Variants in CFAP54 observed in about 807,000 individuals in gnomAD.
The protein encoded by CFAP54 is cilia and flagella associated protein 54, also known as cilia- and flagella-associated protein 54.
In CFAP54, 290 loss-of-function variants were observed where a neutral mutation model predicts 370.4. That is an observed-to-expected ratio of 0.78 (90% CI 0.71 to 0.86). The LOEUF (loss-of-function observed/expected upper bound fraction) is 0.86, where lower values mean the gene tolerates loss of function less well. CFAP54 is among the 40% of genes least tolerant of loss of function. The probability of loss-of-function intolerance (pLI) is 0.00; values close to 1 mark genes in which losing one functional copy is unlikely to be tolerated. For synonymous variants in CFAP54, 1,206 were observed against 1,236.5 expected, an observed-to-expected ratio of 0.98 and a Z score of 0.52; for missense variants, 3,399 against 3,528.7, an observed-to-expected ratio of 0.96 and a Z score of 0.93.
intron 39 of CFAP54, among the ~76,000 whole-genome samples, chr12:96,671,956 GAGAA>G (rs1045315618): frequency 2.8e-4 from 42 of 150,738 alleles, no homozygotes; most frequent in African/African-American, 6.4e-4. Context: ...GAGAAGGAAA[GAGAA>G]AGAAAGAAAG....
At chr12:96,612,929 T>G (rs1457289611) in intron 26 of CFAP54, among the ~76,000 whole-genome samples, 1 of 152,172 alleles carries the variant, frequency 6.6e-6, no homozygotes, top group Non-Finnish European at 1.5e-5. Flanking sequence ...ATGGGAGACC[T>G]TAACACCACA....
chr12:96,494,075 CAG>C (rs951740110), intron 1 of CFAP54, among the ~76,000 whole-genome samples: 7 of 151,998 alleles, frequency 4.6e-5, no homozygotes, highest in Non-Finnish European at 1.0e-4. Flanking sequence ...ACTAGCCAAA[CAG>C]AGAGGATGAA....
chr12:96,493,614 T>C (rs1323424928), intron 1 of CFAP54, among the ~76,000 whole-genome samples: 2 of 152,196 alleles, frequency 1.3e-5, no homozygotes, highest in African/African-American at 2.4e-5. Context: ...CTGGCCAACA[T>C]AGTGAAACCC....
intron 9 of CFAP54, among the ~76,000 whole-genome samples, chr12:96,533,579 C>G (rs1955465563): frequency 6.6e-6 from 1 of 152,136 alleles, no homozygotes; most frequent in African/African-American, 2.4e-5. Flanking sequence ...TAACTGCCCT[C>G]CTTCCCCACA....
intron 36 of CFAP54, among the ~76,000 whole-genome samples, chr12:96,656,838 G>A (rs184120701): frequency 1.3e-5 from 2 of 152,340 alleles, no homozygotes; most frequent in East Asian, 3.9e-4. Flanking sequence ...TACAGTGATT[G>A]AGCTCATAAC....
At chr12:96,779,546 GT>G (rs1367310846) in intron 60 of CFAP54, among the ~76,000 whole-genome samples, 1 of 150,496 alleles carries the variant, frequency 6.6e-6, no homozygotes, top group East Asian at 1.9e-4. Context: ...GACATGCATG[GT>G]TTTAGCCTTA....
intron 60 of CFAP54, among the ~76,000 whole-genome samples, chr12:96,766,997 C>G (rs1958407767): frequency 6.6e-6 from 1 of 152,160 alleles, no homozygotes; most frequent in African/African-American, 2.4e-5. Flanking sequence ...CAGTGGTTAT[C>G]TGGGGTATGA....
chr12:96,621,551 A>G (rs539250688), intron 26 of CFAP54, 39 bp from the exon 27 acceptor site: 2 of 1,341,220 alleles, frequency 1.5e-6, no homozygotes, highest in Non-Finnish European at 2.0e-6. Context: ...AATAGACAAG[A>G]ATGTCCAACA....
At chr12:96,794,812 C>G (rs1288675792) in intron 63 of CFAP54, among the ~76,000 whole-genome samples, 1 of 152,082 alleles carries the variant, frequency 6.6e-6, no homozygotes, top group African/African-American at 2.4e-5. Flanking sequence ...GTTAAAGAAT[C>G]TTGTTTTGTC....
At chr12:96,699,231 C>T (rs1273674460) in intron 45 of CFAP54, among the ~76,000 whole-genome samples, 1 of 152,216 alleles carries the variant, frequency 6.6e-6, no homozygotes, top group Non-Finnish European at 1.5e-5. Context: ...AATTTCCTAT[C>T]TGCCCCGCAG....
Position 96,644,239 on chromosome 12 carries a change from C to T in CFAP54, c.4378C>T (p.Leu1460=). The change falls in exon 33 of 68, where the codon CTA becomes TTA. Residue 1460 remains leucine (L), a synonymous_variant. Transcript: ENST00000524981. The part of the protein sequence containing the change: ...QRYLMDYLNP[L]ILSYVKRKRF... Reference sequence around the variant, plus strand: ...ATACCTGATGGATTACTTGAATCCTCTAATATTAAGTTATGTTAAAAGAAA... The same window carrying T: ...ATACCTGATGGATTACTTGAATCCTTTAATATTAAGTTATGTTAAAAGAAA... 2 of 1,535,818 alleles carry T rather than the reference C, an allele frequency of 1.3e-6. No individual in the cohort carries two copies. Among genetic ancestry groups the T allele is most frequent in the Non-Finnish European group, 1.7e-6 (2 of 1,146,724 alleles).
chr12:96,606,303 G>T (rs1956300159), intron 26 of CFAP54, among the ~76,000 whole-genome samples: 2 of 152,302 alleles, frequency 1.3e-5, no homozygotes, highest in Non-Finnish European at 2.9e-5. Context: ...CTACAGTTGA[G>T]TGGGCAGGTT....
intron 36 of CFAP54, among the ~76,000 whole-genome samples, chr12:96,655,481 A>T (rs1956911552): frequency 1.3e-5 from 2 of 152,188 alleles, no homozygotes; most frequent in African/African-American, 4.8e-5. Context: ...AATGAATTGG[A>T]GGATCAAGAG....
chr12:96,611,590 A>G (rs1190986129), intron 26 of CFAP54, among the ~76,000 whole-genome samples: 1 of 152,242 alleles, frequency 6.6e-6, no homozygotes. Context: ...AACTTCTCCA[A>G]GCTAAGGGAG....
At chr12:96,760,260 T>C (rs919187664) in intron 58 of CFAP54, among the ~76,000 whole-genome samples, 1 of 152,124 alleles carries the variant, frequency 6.6e-6, no homozygotes, top group Non-Finnish European at 1.5e-5. Flanking sequence ...GAGATCAGCA[T>C]GCATACATTT....
At position 96,727,505 on chromosome 12, in the gene CFAP54, C is replaced by A. The variant is rs373321016; in HGVS notation, c.6965+6940C>A. On this transcript the variant is annotated intron_variant, in intron 50 of 67. Transcript: ENST00000524981. ...CAGAGACTAGGATTGCAACCCCTGCCTTTTTTAGTTTTCCATTTGCTTGGT... is the reference window on the plus strand; with the variant it reads ...CAGAGACTAGGATTGCAACCCCTGCATTTTTTAGTTTTCCATTTGCTTGGT... Among the ~76,000 whole-genome samples the A allele has an allele frequency of 9.4e-5, 13 of 138,830 alleles. No homozygotes were observed. The East Asian group carries it at 1.5e-3, about 16-fold the overall frequency. The allele number at this position is 138,830 out of a possible 152,430, so 91.1% of individuals were successfully genotyped here. A position where few individuals can be genotyped will look rare whatever the true frequency, so the allele number is the denominator to read the frequency against.
At chr12:96,614,738 C>T (rs942468064) in intron 26 of CFAP54, among the ~76,000 whole-genome samples, 16 of 152,248 alleles carry the variant, frequency 1.1e-4, no homozygotes, top group African/African-American at 3.9e-4. Flanking sequence ...ACAGCCAAAT[C>T]ATGAGTGAAC....
chr12:96,664,087 A>G (rs1957028165), intron 39 of CFAP54, among the ~76,000 whole-genome samples, 155 bp downstream of exon 39: 1 of 152,208 alleles, frequency 6.6e-6, no homozygotes, highest in African/African-American at 2.4e-5. Flanking sequence ...TCGCCATCTT[A>G]CGTTGCTATA....
In CFAP54 at chr12:96,737,477, T is replaced by A. The variant is rs534373837; in HGVS notation, c.6966-2479T>A. ...TAATAGATATATTATATATTATATT[T>A]TATATATATATATGTTTTGTTTTTT... On this transcript the variant is annotated intron_variant, in intron 50 of 67. Coordinates refer to ENST00000524981, the MANE Select transcript of CFAP54 (RefSeq NM_001306084.2). 6.8e-5 allele frequency among the ~76,000 whole-genome samples: 10 copies of A among 146,560 alleles called. No homozygotes were observed. The South Asian group carries it at 1.5e-3, about 22-fold the overall frequency.
Sources: gnomAD v4.1 joint callset for allele counts (sites outside exome capture counted in the v4.1 genomes callset) on GRCh38, gnomAD v4.1.1 for gene constraint, MANE v1.5 for transcripts, NCBI Gene and HGNC (gene_info 2026-07-23, HGNC 2026-07-21) for gene names.